Variants in SLC25A26 observed in about 807,000 individuals in gnomAD.
The protein encoded by SLC25A26 is mitochondrial S-adenosylmethionine carrier protein.
In SLC25A26, 36 loss-of-function variants were observed where a neutral mutation model predicts 37.8. The ratio of observed to expected loss-of-function variants is 0.95; its 90% CI spans 0.73 to 1.26. SLC25A26 has a LOEUF of 1.26. Among genes scored for constraint, SLC25A26 ranks in the 50% most tolerant of loss-of-function variants. SLC25A26 has a pLI of 0.00. For missense variants in SLC25A26, 390 were observed against 331.1 expected, an observed-to-expected ratio of 1.18 and a Z score of -1.38; for synonymous variants, 129 against 122.5, an observed-to-expected ratio of 1.05 and a Z score of -0.35.
intron 5 of SLC25A26, among the ~76,000 whole-genome samples, chr3:66,325,284 A>G (rs1050542405): frequency 1.3e-5 from 2 of 152,234 alleles, no homozygotes; most frequent in East Asian, 1.9e-4. Context: ...TCTTGTTTAT[A>G]TAGTAGCTTA....
rs146839611 is a variant in SLC25A26 at position 66,169,574 on chromosome 3, A to G, written c.-354+35590A>G. Among the ~76,000 whole-genome samples, 843 of 152,170 alleles carry G rather than the reference A, an allele frequency of 5.5e-3. 10 individuals are homozygous for G. Among genetic ancestry groups the G allele is most frequent in the African/African-American group, 0.019 (803 of 41,500 alleles). On this transcript the variant is annotated intron_variant, in intron 1 of 10. Coordinates refer to the SLC25A26 transcript ENST00000676754. ...TTTCGTATGTTGCTTTTTCATGTTT[A>G]TTGTAGGTTTCGCCCTTAGAATTTC...
At chr3:66,350,014 A>T (rs541915728) in intron 6 of SLC25A26, among the ~76,000 whole-genome samples, 1 of 152,222 alleles carries the variant, frequency 6.6e-6, no homozygotes, top group Admixed American at 6.5e-5. Flanking sequence ...TGAACGTACA[A>T]TCACAGTGCT....
At chr3:66,231,744 A>G (rs1015796065) in intron 1 of SLC25A26, among the ~76,000 whole-genome samples, 2 of 147,344 alleles carry the variant, frequency 1.4e-5, no homozygotes, top group East Asian at 2.0e-4. Context: ...TTCTGTGCCA[A>G]TAAGTATGGG....
At chr3:66,229,063 T>C (rs1362373381) in intron 1 of SLC25A26, among the ~76,000 whole-genome samples, 2 of 152,234 alleles carry the variant, frequency 1.3e-5, no homozygotes, top group African/African-American at 4.8e-5. Flanking sequence ...AAGTACTCTT[T>C]AGGCTTTTGC....
intron 1 of SLC25A26, among the ~76,000 whole-genome samples, chr3:66,192,292 G>A (rs1343132410): frequency 7.4e-6 from 1 of 135,668 alleles, no homozygotes; most frequent in Admixed American, 8.0e-5. Context: ...CTCCAGCCTA[G>A]GCAACAGAGC....
intron 5 of SLC25A26, among the ~76,000 whole-genome samples, chr3:66,290,965 G>A (rs758480961): frequency 4.6e-5 from 7 of 152,090 alleles, no homozygotes; most frequent in Non-Finnish European, 2.9e-5. Flanking sequence ...TGGTTTGTAG[G>A]CTATTAATTA....
At chr3:66,244,662 C>T (rs1025430465) in intron 3 of SLC25A26, among the ~76,000 whole-genome samples, 3 of 152,060 alleles carry the variant, frequency 2.0e-5, no homozygotes, top group Non-Finnish European at 4.4e-5. Flanking sequence ...GCAGTCTGTT[C>T]CTACCATGTG....
chr3:66,344,721 G>T (rs936644474), intron 5 of SLC25A26, among the ~76,000 whole-genome samples: 2 of 152,246 alleles, frequency 1.3e-5, no homozygotes, highest in Non-Finnish European at 2.9e-5. Flanking sequence ...GCTGCTGGGT[G>T]GGGTCCACTG....
At chr3:66,221,168 C>G in intron 1 of SLC25A26, 41 bp downstream of exon 1, 1 of 1,498,854 alleles carries the variant, frequency 6.7e-7, no homozygotes, top group East Asian at 2.6e-5. Flanking sequence ...AGAGTGCCGG[C>G]GTCCGGCATT....
chr3:66,222,220 G>C (rs1033288082), intron 1 of SLC25A26, among the ~76,000 whole-genome samples: 2 of 144,090 alleles, frequency 1.4e-5, no homozygotes, highest in South Asian at 4.3e-4. Context: ...CTCACTCTTC[G>C]CCCAGGCTGG....
At position 66,257,222 on chromosome 3, in the gene SLC25A26, T is replaced by C. The variant is rs185074103; in HGVS notation, c.301-4829T>C. Among the ~76,000 whole-genome samples, 277 of 152,152 alleles carry C rather than the reference T, an allele frequency of 1.8e-3. 4 individuals are homozygous for C. The highest frequency in any genetic ancestry group is 1.4e-3 in the East Asian group (7 of 5,178). ...AGGTATAATTTTGGAAAATTAAGAATTATAGAAATAAGGACCTAAAAAGAT... is the reference window on the plus strand; with the variant it reads ...AGGTATAATTTTGGAAAATTAAGAACTATAGAAATAAGGACCTAAAAAGAT... On this transcript the variant is annotated intron_variant, in intron 3 of 9. Coordinates refer to ENST00000354883, the MANE Select transcript of SLC25A26 (RefSeq NM_001379210.1).
chr3:66,278,795 T>C (rs2074241773), intron 5 of SLC25A26, among the ~76,000 whole-genome samples: 1 of 152,212 alleles, frequency 6.6e-6, no homozygotes, highest in South Asian at 2.1e-4. Flanking sequence ...CAAATTTCAC[T>C]TTCTGGAAAG....
intron 6 of SLC25A26, among the ~76,000 whole-genome samples, chr3:66,349,419 C>G (rs1398834623): frequency 6.6e-6 from 1 of 152,076 alleles, no homozygotes; most frequent in Non-Finnish European, 1.5e-5. Context: ...CTGTAGTCTT[C>G]TCTTTTCCAG....
At chr3:66,368,680 A>G (rs1298106699) in intron 7 of SLC25A26, among the ~76,000 whole-genome samples, 1 of 152,204 alleles carries the variant, frequency 6.6e-6, no homozygotes, top group East Asian at 1.9e-4. Context: ...ATTTTGCTAT[A>G]TGCAAAACAG....
chr3:66,237,440 G>A (rs2072348064), intron 2 of SLC25A26, among the ~76,000 whole-genome samples: 2 of 152,266 alleles, frequency 1.3e-5, no homozygotes, highest in South Asian at 4.1e-4. Context: ...TGACTCCGCT[G>A]TGAAGCCAAG....
rs540959287 is a variant in SLC25A26 at position 66,294,070 on chromosome 3, G to A, written c.453+30691G>A. Among the ~76,000 whole-genome samples, 8 of 152,202 alleles carry A rather than the reference G, an allele frequency of 5.3e-5. No homozygotes were observed. The South Asian group carries it at 1.7e-3, about 32-fold the overall frequency. On this transcript the variant is annotated intron_variant, in intron 5 of 9. Coordinates refer to ENST00000354883, the MANE Select transcript of SLC25A26 (RefSeq NM_001379210.1). ...AGTTCCGTGAAGAATGTCAGTGGTA[G>A]TTTAATAGGCATAGGGTTGAATCTA...
intron 1 of SLC25A26, among the ~76,000 whole-genome samples, chr3:66,145,207 G>C (rs927864418): frequency 6.6e-6 from 1 of 152,184 alleles, no homozygotes; most frequent in African/African-American, 2.4e-5. Flanking sequence ...CATGTGAAAG[G>C]AGAAAGTGAA....
rs563658407 is a variant in SLC25A26, at chr3:66,301,715, A to G, written c.453+38336A>G. Among the ~76,000 whole-genome samples, 7 of 152,322 alleles carry G rather than the reference A, an allele frequency of 4.6e-5. No individual in the cohort carries two copies. In the East Asian group the frequency reaches 1.4e-3, roughly 29 times the overall value. Reference sequence around the variant, plus strand: ...ATGTTACCATTCAGAACTTAGGTGGATGAAACACATTTTATATGTAGTTAC... The same window carrying G: ...ATGTTACCATTCAGAACTTAGGTGGGTGAAACACATTTTATATGTAGTTAC... On this transcript the variant is annotated intron_variant, in intron 5 of 9. Coordinates refer to ENST00000354883, the MANE Select transcript of SLC25A26 (RefSeq NM_001379210.1).
At chr3:66,370,665 C>G in intron 9 of SLC25A26, 63 bp downstream of exon 9, 1 of 1,336,928 alleles carries the variant, frequency 7.5e-7, no homozygotes, top group Middle Eastern at 1.8e-4. Flanking sequence ...TTTAGCCTAA[C>G]TTTGGATGAA....
Sources: gnomAD v4.1 joint callset for allele counts (sites outside exome capture counted in the v4.1 genomes callset) on GRCh38, gnomAD v4.1.1 for gene constraint, MANE v1.5 for transcripts, NCBI Gene and HGNC (gene_info 2026-07-23, HGNC 2026-07-21) for gene names.